Variants in RBM12B observed in about 807,000 individuals in gnomAD.
RBM12B encodes RNA-binding protein 12B.
RBM12B carries 10 observed loss-of-function variants against 34.3 expected under a neutral mutation model. That is an observed-to-expected ratio of 0.29 (90% CI 0.18 to 0.49). RBM12B has a LOEUF of 0.49. RBM12B is among the 20% of genes least tolerant of loss of function. The pLI is 0.99. For missense variants in RBM12B, 1,139 were observed against 1,262.7 expected, an observed-to-expected ratio of 0.90 and a Z score of 1.48; for synonymous variants, 477 against 437.1, an observed-to-expected ratio of 1.09 and a Z score of -1.14.
In RBM12B at chr8:93,735,106, A is replaced by C. The variant is rs1231659358; in HGVS notation, c.1305T>G (p.Asp435Glu). The C allele has an allele frequency of 6.2e-7, 1 of 1,614,188 alleles. No individual in the cohort carries two copies. The highest frequency in any genetic ancestry group is 1.1e-5 in the South Asian group (1 of 91,082). Reference sequence around the variant, plus strand: ...CTTCTCCCAGACCAACACCTTTGTCATCATAAAGCAAGTAAATGTCATCCT... The same window carrying C: ...CTTCTCCCAGACCAACACCTTTGTCCTCATAAAGCAAGTAAATGTCATCCT... ...LAEDDIYLLY[D>E]DKGVGLGEAL... Residue 435 changes from aspartate to glutamate, a missense_variant, in exon 4 of 4, where the codon GAT becomes GAG. This residue lies in a region of RBM12B where 863 missense variants were observed against 869.5 expected (regional missense o/e 0.99). Transcript: ENST00000520560.
rs778137282 is a variant in RBM12B, at chr8:93,734,200, C to T, written c.2211G>A (p.Glu737=). 6.3e-7 allele frequency: 1 copy of T among 1,590,222 alleles called. No individual in the cohort carries two copies. Residue 737 remains glutamate, a synonymous_variant, in exon 4 of 4, where the codon GAG becomes GAA. Coordinates refer to ENST00000520560, the MANE Select transcript of RBM12B (RefSeq NM_001377960.1). ...GCTCTGGAGGTGGTCTCCGGAAATG[C>T]TCTGGGGGTGGCCGACGGAAATGCT... ...PQEHFRRPPP[E]HFRRPPPEHF...
rs1026536855 is a variant in RBM12B at position 93,730,671 on chromosome 8, T to C, written c.*2734A>G. ...TTGCTGCATTTATCACTTTCCATGG[T>C]GTAAAATACTCCTGCCATGGCCAAT... On this transcript the variant is annotated 3_prime_UTR_variant, in exon 4 of 4. Coordinates refer to ENST00000520560, the MANE Select transcript of RBM12B (RefSeq NM_001377960.1). 4 of 152,034 alleles carry C rather than the reference T, an allele frequency of 2.6e-5. No homozygotes were observed. Among genetic ancestry groups the C allele is most frequent in the African/African-American group, 9.7e-5 (4 of 41,398 alleles). 9.4% of individuals were successfully genotyped at this position (152,034 alleles called of 1,614,324 possible). A position where few individuals can be genotyped will look rare whatever the true frequency, so the allele number is the denominator to read the frequency against.
chr8:93,728,936 G>A lies in RBM12B; in HGVS notation c.*4469C>T, dbSNP rs546477953. The A allele has an allele frequency of 6.6e-6, 1 of 152,120 alleles. No homozygotes were observed. Among genetic ancestry groups the A allele is most frequent in the East Asian group, 1.9e-4 (1 of 5,178 alleles). 9.4% of individuals were successfully genotyped at this position (152,120 alleles called of 1,614,324 possible). On this transcript the variant is annotated 3_prime_UTR_variant, in exon 4 of 4. Transcript: ENST00000520560. ...CAAAACTGCTGTCATAATTATACAT[G>A]ATACTGCAACTTTTGGAAGGCTAAT...
Position 93,733,298 on chromosome 8 carries a change from A to G in RBM12B, c.*107T>C, listed in dbSNP as rs987387539. 1.1e-6 allele frequency: 1 copy of G among 869,908 alleles called. No homozygotes were observed. Among genetic ancestry groups the G allele is most frequent in the Non-Finnish European group, 1.6e-6 (1 of 623,916 alleles). The allele number at this position is 869,908 out of a possible 1,614,324, so 53.9% of individuals were successfully genotyped here. A position where few individuals can be genotyped will look rare whatever the true frequency, so the allele number is the denominator to read the frequency against. On this transcript the variant is annotated 3_prime_UTR_variant, in exon 4 of 4. Coordinates refer to ENST00000520560, the MANE Select transcript of RBM12B (RefSeq NM_001377960.1). ...TTTGTTCTATTCACAGGTCAAAAAT[A>G]AAATATTTCATTAGATAATTTAAAA... is the stretch of plus-strand genomic sequence containing the variant.
Position 93,734,117 on chromosome 8 carries a change from C to T in RBM12B, c.2294G>A (p.Arg765Gln), listed in dbSNP as rs781607984. 21 of 1,558,038 alleles carry T rather than the reference C, an allele frequency of 1.3e-5. No individual in the cohort carries two copies. The highest frequency in any genetic ancestry group is 1.6e-5 in the Non-Finnish European group (19 of 1,154,090). The change falls in exon 4 of 4, where the codon CGG (arginine) becomes CAG (glutamine). Residue 765 changes from arginine (R) to glutamine (Q), a missense_variant. Transcript: ENST00000520560. ...FRRPPPEHFR[R>Q]PPPEHFRRPP... The stretch of plus-strand genomic sequence containing the variant: ...GCGCCTGAAATGCTCTGGGGGTGGC[C>T]GCCTGAAGTGCTCTGGGGGTGGCCG...
Position 93,733,917 on chromosome 8 carries a change from C to T in RBM12B, c.2494G>A (p.Glu832Lys). The change falls in exon 4 of 4, where the codon GAG becomes AAG. Residue 832 changes from glutamate (E) to lysine (K), a missense_variant. Glu to Lys is a moderately conservative substitution (Grantham distance 56). Transcript: ENST00000520560. ...PPDEDFRSPQ[E>K]EDFRCPSDED... ...TCAGAAGGGCATCTAAAATCTTCCT[C>T]CTGGGGGCTCCTGAAGTCCTCATCA... 1 of 1,613,368 alleles carries T rather than the reference C, an allele frequency of 6.2e-7. No homozygotes were observed. The highest frequency in any genetic ancestry group is 1.1e-5 in the South Asian group (1 of 91,054).
chr8:93,728,554 T>A lies in RBM12B; in HGVS notation c.*4851A>T. 1 of 300,124 alleles carries A rather than the reference T, an allele frequency of 3.3e-6. No homozygotes were observed. The highest frequency in any genetic ancestry group is 6.1e-6 in the Non-Finnish European group (1 of 163,770). 18.6% of individuals were successfully genotyped at this position (300,124 alleles called of 1,614,324 possible). ...TTTAAAGATGGTGTATTTCAAAGTA[T>A]TTCATATTAATGTACTATATCTACT... On this transcript the variant is annotated 3_prime_UTR_variant, in exon 4 of 4. Coordinates refer to ENST00000520560, the MANE Select transcript of RBM12B (RefSeq NM_001377960.1).
rs997539493 is a variant in RBM12B at position 93,740,664 on chromosome 8, C to A, written c.-113G>T. On this transcript the variant is annotated 5_prime_UTR_variant, in exon 2 of 4. The change creates a premature stop within an existing upstream ORF in the 5' untranslated region. Transcript: ENST00000520560. Reference sequence around the variant, plus strand: ...CTTCGAGATCTTCACTCTCAAGATCCCTGGGAAGCGCACATACACCACCAC... The same window carrying A: ...CTTCGAGATCTTCACTCTCAAGATCACTGGGAAGCGCACATACACCACCAC... The A allele has an allele frequency of 2.4e-5, 9 of 376,304 alleles. No homozygotes were observed. The highest frequency in any genetic ancestry group is 4.2e-5 in the Non-Finnish European group (8 of 191,006). The allele number at this position is 376,304 out of a possible 1,614,324, so 23.3% of individuals were successfully genotyped here.
Position 93,733,282 on chromosome 8 carries a change from T to G in RBM12B, c.*123A>C. 1 of 697,706 alleles carries G rather than the reference T, an allele frequency of 1.4e-6. No individual in the cohort carries two copies. Among genetic ancestry groups the G allele is most frequent in the East Asian group, 3.1e-5 (1 of 32,512 alleles). 43.2% of individuals were successfully genotyped at this position (697,706 alleles called of 1,614,324 possible). On this transcript the variant is annotated 3_prime_UTR_variant, in exon 4 of 4. Coordinates refer to ENST00000520560, the MANE Select transcript of RBM12B (RefSeq NM_001377960.1). ...CATTCTACTATTTACATTTGTTCTA[T>G]TCACAGGTCAAAAATAAAATATTTC... is the stretch of plus-strand genomic sequence containing the variant.
rs1281007621 is a variant in RBM12B at position 93,732,944 on chromosome 8, G to C, written c.*461C>G. 6.6e-6 allele frequency: 1 copy of C among 152,228 alleles called. No individual in the cohort carries two copies. The highest frequency in any genetic ancestry group is 1.5e-5 in the Non-Finnish European group (1 of 68,166). The allele number at this position is 152,228 out of a possible 1,614,324, so 9.4% of individuals were successfully genotyped here. A position where few individuals can be genotyped will look rare whatever the true frequency, so the allele number is the denominator to read the frequency against. ...CTTAACACAGTAATATCTTAGACAA[G>C]GAAGAGGGCATTAATTCTGCAGGCA... On this transcript the variant is annotated 3_prime_UTR_variant, in exon 4 of 4. Transcript: ENST00000520560.
At chr8:93,740,549 T>C in intron 2 of RBM12B, 80 bp downstream of exon 2, 2 of 456,456 alleles carry the variant, frequency 4.4e-6, no homozygotes, top group South Asian at 3.1e-5. Context: ...ACACTTGCCC[T>C]TCTCAAGCCT....
Position 93,733,395 on chromosome 8 carries a change from T to G in RBM12B, c.*10A>C, listed in dbSNP as rs569814859. 3 of 1,509,854 alleles carry G rather than the reference T, an allele frequency of 2.0e-6. No homozygotes were observed. The highest frequency in any genetic ancestry group is 2.8e-5 in the African/African-American group (2 of 71,546). The allele number at this position is 1,509,854 out of a possible 1,614,324, so 93.5% of individuals were successfully genotyped here. ...CAAGGAAGATAACTGAATTTAGAAA[T>G]GCTCTCTCTCTACAGCAAAGTTAAC... On this transcript the variant is annotated 3_prime_UTR_variant, in exon 4 of 4. Coordinates refer to ENST00000520560, the MANE Select transcript of RBM12B (RefSeq NM_001377960.1).
Position 93,734,386 on chromosome 8 carries a change from CCA to C in RBM12B, c.2023_2024del (p.Trp675GlufsTer9), listed in dbSNP as rs1811929700. ...TAAAGTCCTCCTCTGGGGGCCGTCT[CCA>C]GTCCTCCTCAGGTGGCCGCCTGAAA... ...EDFRRPPEEDWRRPPEEDFRR... is the reference protein window; with the variant it reads ...EDFRRPPEEDXRRPPEEDFRR... On this transcript the variant is annotated frameshift_variant, in exon 4 of 4. Coordinates refer to ENST00000520560, the MANE Select transcript of RBM12B (RefSeq NM_001377960.1). LOFTEE classifies it high-confidence loss of function. 12 of 1,610,632 alleles carry C rather than the reference CCA, an allele frequency of 7.5e-6. No individual in the cohort carries two copies. The highest frequency in any genetic ancestry group is 1.0e-5 in the Non-Finnish European group (12 of 1,178,970).
intron 2 of RBM12B, among the ~76,000 whole-genome samples, chr8:93,737,732 T>G (rs1037867631): frequency 6.7e-6 from 1 of 149,312 alleles, no homozygotes; most frequent in African/African-American, 2.5e-5. Flanking sequence ...TTAGGGTCTA[T>G]ACATTTTGCT....
chr8:93,738,267 T>C (rs1812083680), intron 2 of RBM12B, among the ~76,000 whole-genome samples: 1 of 152,184 alleles, frequency 6.6e-6, no homozygotes, highest in Non-Finnish European at 1.5e-5. Context: ...CAAACAACTA[T>C]TCTGCACTCT....
At chr8:93,740,778 C>A in intron 1 of RBM12B, 82 bp from the exon 2 acceptor site, 2 of 335,552 alleles carry the variant, frequency 6.0e-6, no homozygotes, top group South Asian at 4.6e-5. Flanking sequence ...ACTGGCGCGG[C>A]CGCCGGTCCC....
intron 2 of RBM12B, 172 bp downstream of exon 2, chr8:93,740,457 T>C (rs780968195): frequency 1.1e-5 from 5 of 457,372 alleles, no homozygotes; most frequent in South Asian, 7.7e-5. Context: ...CCAACCTCCG[T>C]GCCTTTCCGT....
In RBM12B at chr8:93,728,803, A is replaced by G. The variant is rs1053543125; in HGVS notation, c.*4602T>C. 1.3e-5 allele frequency: 2 copies of G among 152,096 alleles called. No homozygotes were observed. Among genetic ancestry groups the G allele is most frequent in the African/African-American group, 4.8e-5 (2 of 41,454 alleles). The allele number at this position is 152,096 out of a possible 1,614,324, so 9.4% of individuals were successfully genotyped here. A position where few individuals can be genotyped will look rare whatever the true frequency, so the allele number is the denominator to read the frequency against. On this transcript the variant is annotated 3_prime_UTR_variant, in exon 4 of 4. Coordinates refer to ENST00000520560, the MANE Select transcript of RBM12B (RefSeq NM_001377960.1). ...TTTACTTTTCAAGAAGAGTATAACC[A>G]AAGAGTAAAGATAATGTGACACTAA...
chr8:93,739,261 G>A (rs1812118330), intron 2 of RBM12B: 1 of 152,086 alleles, frequency 6.6e-6, no homozygotes, highest in Non-Finnish European at 1.5e-5. Context: ...TCATCTACAA[G>A]AGAAATTAGA....
Sources: allele counts gnomAD v4.1 joint callset (sites outside exome capture counted in the v4.1 genomes callset), GRCh38; gene constraint gnomAD v4.1.1; regional missense constraint gnomAD v4.1.1; transcripts MANE v1.5; gene names NCBI Gene and HGNC (gene_info 2026-07-23, HGNC 2026-07-21).